The following NKAIN2 variants were observed in gnomAD, a reference collection of about 807,000 sequenced individuals.
NKAIN2 encodes sodium/potassium transporting ATPase interacting 2.
A neutral mutation model predicts 32.6 loss-of-function variants in NKAIN2; 14 were observed. The ratio of observed to expected loss-of-function variants is 0.43; its 90% confidence interval spans 0.28 to 0.67. The LOEUF is 0.67. NKAIN2 is among the 30% of genes least tolerant of loss of function. The pLI is 0.17. For missense variants in NKAIN2, 198 were observed against 258.3 expected (o/e 0.77, Z 1.60); for synonymous variants, 80 against 87.2 (o/e 0.92, Z 0.46).
At chr6:123,903,171 C>T (rs550366735) in intron 1 of NKAIN2, among the ~76,000 whole-genome samples, 58 of 152,276 alleles carry the variant, frequency 3.8e-4, no homozygotes, top group Non-Finnish European at 6.5e-4. Context: ...TAATATGAAA[C>T]GATGCAGCTG....
chr6:124,587,535 T>C lies in NKAIN2; in HGVS notation c.274-70651T>C, dbSNP rs914795394. Among the ~76,000 whole-genome samples, 17 of 152,170 alleles carry C rather than the reference T, an allele frequency of 1.1e-4. 1 individual carries two copies. The highest frequency in any genetic ancestry group is 1.0e-3 in the Admixed American group (16 of 15,278). On this transcript the variant is annotated intron_variant, in intron 3 of 6. Coordinates refer to ENST00000368417, the MANE Select transcript of NKAIN2 (RefSeq NM_001040214.3). ...ACCCAGCCCAAACTCCTCTTTTTTT[T>C]ACAGCTGAAACTGATACCAGATAAT...
At chr6:124,198,316 C>T (rs772329396) in intron 1 of NKAIN2, among the ~76,000 whole-genome samples, 4 of 151,826 alleles carry the variant, frequency 2.6e-5, no homozygotes, top group Admixed American at 6.6e-5. Context: ...ACTTCATGCT[C>T]CGCCCGTGTT....
chr6:124,718,401 C>T (rs911153456), intron 4 of NKAIN2, among the ~76,000 whole-genome samples: 9 of 152,072 alleles, frequency 5.9e-5, no homozygotes, highest in African/African-American at 2.2e-4. Context: ...TCATAGCATG[C>T]ATCAGTATTT....
At chr6:124,686,012 A>T (rs1430387314) in intron 4 of NKAIN2, among the ~76,000 whole-genome samples, 1 of 152,164 alleles carries the variant, frequency 6.6e-6, no homozygotes, top group Non-Finnish European at 1.5e-5. Context: ...TGGCTGGGGA[A>T]GGATTAAATT....
rs11326982 is a variant in NKAIN2, at chr6:124,574,313, T to TAA, written c.274-83861_274-83860dup. On this transcript the variant is annotated intron_variant, in intron 3 of 6. Coordinates refer to ENST00000368417, the MANE Select transcript of NKAIN2 (RefSeq NM_001040214.3). ...GCTAAGGCAAACAAACAGAAAAAGT[T>TAA]AAAAAAAAAAAAATACCAGTGAGGT... is the stretch of plus-strand genomic sequence containing the variant. Among the ~76,000 whole-genome samples the TAA allele has an allele frequency of 6.0e-3, 900 of 150,284 alleles. 4 individuals are homozygous for TAA. Among genetic ancestry groups the TAA allele is most frequent in the Admixed American group, 8.9e-3 (135 of 15,142 alleles).
chr6:123,869,219 C>T (rs1015587920), intron 1 of NKAIN2, among the ~76,000 whole-genome samples: 1 of 152,184 alleles, frequency 6.6e-6, no homozygotes, highest in Non-Finnish European at 1.5e-5. Flanking sequence ...TAGGCCCACA[C>T]TTATTCTTTC....
At chr6:124,216,686 T>C (rs1246652359) in intron 1 of NKAIN2, among the ~76,000 whole-genome samples, 1 of 152,202 alleles carries the variant, frequency 6.6e-6, no homozygotes, top group Non-Finnish European at 1.5e-5. Flanking sequence ...CTAAATAAGT[T>C]TCATTCAGGT....
intron 3 of NKAIN2, among the ~76,000 whole-genome samples, chr6:124,379,787 A>G (rs1405992056): frequency 1.3e-5 from 2 of 152,178 alleles, no homozygotes; most frequent in Non-Finnish European, 2.9e-5. Flanking sequence ...TTTTGAAAGG[A>G]ACTTGGCTTA....
chr6:123,984,138 C>T (rs980018479), intron 1 of NKAIN2, among the ~76,000 whole-genome samples: 1 of 152,108 alleles, frequency 6.6e-6, no homozygotes, highest in Non-Finnish European at 1.5e-5. Flanking sequence ...AACTCTTGAC[C>T]TCAGGTGATC....
intron 1 of NKAIN2, among the ~76,000 whole-genome samples, chr6:123,813,913 A>G (rs915311798): frequency 6.7e-6 from 1 of 148,948 alleles, no homozygotes; most frequent in African/African-American, 2.5e-5. Context: ...AACTTTAGTG[A>G]TTAGTGAACC....
rs1467930766 is a variant in NKAIN2 at position 123,911,742 on chromosome 6, A to C, written c.54+107488A>C. On this transcript the variant is annotated intron_variant, in intron 1 of 6. Coordinates refer to ENST00000368417, the MANE Select transcript of NKAIN2 (RefSeq NM_001040214.3). ...TTTACAGCAATAAGTATTGTCTTAC[A>C]TCTGTATTAATATAAAATAGTCGTA... Among the ~76,000 whole-genome samples the C allele has an allele frequency of 7.6e-5, 11 of 145,380 alleles. No homozygotes were observed. The Admixed American group carries it at 8.0e-4, about 11-fold the overall frequency.
At chr6:123,952,690 A>C (rs1402680879) in intron 1 of NKAIN2, among the ~76,000 whole-genome samples, 1 of 151,938 alleles carries the variant, frequency 6.6e-6, no homozygotes, top group Non-Finnish European at 1.5e-5. Context: ...AAGCTTTTGA[A>C]TATATTTTTA....
intron 3 of NKAIN2, among the ~76,000 whole-genome samples, chr6:124,614,487 A>G (rs1386552340): frequency 1.3e-5 from 2 of 152,184 alleles, no homozygotes; most frequent in African/African-American, 2.4e-5. Context: ...CTTAGTCTCT[A>G]TAGAACTTTC....
intron 3 of NKAIN2, chr6:124,437,878 T>TTTTTTTG (rs1256586433): frequency 1.4e-4 from 57 of 407,096 alleles, no homozygotes; most frequent in African/African-American, 1.2e-3. Context: ...ATTGATTTTT[T>TTTTTTTG]TTTTTTTTTT....
intron 1 of NKAIN2, among the ~76,000 whole-genome samples, chr6:124,127,307 A>T (rs1459920670): frequency 2.0e-5 from 3 of 152,154 alleles, no homozygotes; most frequent in African/African-American, 4.8e-5. Context: ...CACGGTTCAG[A>T]GGGGAAGACT....
rs536481722 is a variant in NKAIN2 at position 124,549,132 on chromosome 6, C to T, written c.274-109054C>T. Among the ~76,000 whole-genome samples the T allele has an allele frequency of 3.9e-5, 6 of 152,084 alleles. No homozygotes were observed. In the East Asian group the frequency reaches 7.8e-4, roughly 20 times the overall value. The stretch of plus-strand genomic sequence containing the variant: ...CTGTAATCCCAGCACTTTGGGAGGC[C>T]GAGGCAGGTGGATCATGAGGTCAGG... On this transcript the variant is annotated intron_variant, in intron 3 of 6. Coordinates refer to ENST00000368417, the MANE Select transcript of NKAIN2 (RefSeq NM_001040214.3).
intron 4 of NKAIN2, among the ~76,000 whole-genome samples, chr6:124,700,673 C>A (rs532957515): frequency 6.6e-6 from 1 of 152,146 alleles, no homozygotes; most frequent in African/African-American, 2.4e-5. Flanking sequence ...TAGAGGCTAA[C>A]TTAACTTATA....
intron 1 of NKAIN2, among the ~76,000 whole-genome samples, chr6:124,134,453 A>C (rs1786631495): frequency 6.6e-6 from 1 of 152,210 alleles, no homozygotes; most frequent in Admixed American, 6.5e-5. Flanking sequence ...TGGGAGGCCA[A>C]GGCGGGTGGA....
At chr6:124,386,203 T>A (rs1391770037) in intron 3 of NKAIN2, among the ~76,000 whole-genome samples, 1 of 152,172 alleles carries the variant, frequency 6.6e-6, no homozygotes, top group Non-Finnish European at 1.5e-5. Context: ...AATGAACACC[T>A]GTCGAGGTAG....
Sources: gnomAD v4.1 joint callset for allele counts (sites outside exome capture counted in the v4.1 genomes callset) on GRCh38, gnomAD v4.1.1 for gene constraint, MANE v1.5 for transcripts, NCBI Gene and HGNC (gene_info 2026-07-23, HGNC 2026-07-21) for gene names.